Variants in ABCA10 observed in about 807,000 individuals in gnomAD.
ABCA10 encodes the protein ATP-binding cassette sub-family A member 10.
ABCA10 carries 169 observed loss-of-function variants against 187.5 expected under a neutral mutation model. The ratio of observed to expected loss-of-function variants is 0.90; its 90% CI spans 0.80 to 1.02. ABCA10 has a LOEUF of 1.02. Ranked by LOEUF, ABCA10 falls within the 50% of genes least tolerant of loss-of-function variation. The probability of loss-of-function intolerance (pLI) is 0.00; values close to 1 mark genes in which losing one functional copy is unlikely to be tolerated. For synonymous variants in ABCA10, 574 were observed against 601.8 expected (o/e 0.95, Z 0.68); for missense variants, 1,727 against 1,812.4 (o/e 0.95, Z 0.86).
In ABCA10 at chr17:69,174,671, A is replaced by G. The variant is rs771764749; in HGVS notation, c.2984T>C (p.Ile995Thr). 12 of 1,612,128 alleles carry G rather than the reference A, an allele frequency of 7.4e-6. No individual in the cohort carries two copies. Among genetic ancestry groups the G allele is most frequent in the Admixed American group, 5.0e-5 (3 of 59,836 alleles). Residue 995 changes from isoleucine to threonine, a missense_variant, in exon 24 of 39, where the codon ATA (isoleucine) becomes ACA (threonine). Physicochemically the swap from Ile to Thr is moderately conservative, Grantham distance 89. Coordinates refer to ENST00000690296, the MANE Select transcript of ABCA10 (RefSeq NM_001377321.1). Reference protein sequence around the residue: ...IPLYFLILFSIHLIYYFIFLG... With the variant: ...IPLYFLILFSTHLIYYFIFLG... The stretch of plus-strand genomic sequence containing the variant: ...AAATATGAAGTAGTAAATTAAATGT[A>G]TTGAAAAGAGAATCAAGAAGTATAA...
At chr17:69,224,448 CT>C (rs1244720175) in intron 3 of ABCA10, among the ~76,000 whole-genome samples, 2 of 152,102 alleles carry the variant, frequency 1.3e-5, no homozygotes, top group African/African-American at 4.8e-5. Flanking sequence ...TATCCTGATA[CT>C]TTCCCTATGC....
At position 69,191,471 on chromosome 17, in the gene ABCA10, T is replaced by C. The variant is rs564996382; in HGVS notation, c.1872-156A>G. Among the ~76,000 whole-genome samples the C allele has an allele frequency of 3.9e-5, 6 of 152,334 alleles. No homozygotes were observed. The East Asian group carries it at 5.8e-4, about 15-fold the overall frequency. ...TGCAAATCAGATACTCCACTTCAAA[T>C]TGCTAATTCAACTTCAAAGTGCTAA... On this transcript the variant is annotated intron_variant, in intron 16 of 38. Transcript: ENST00000690296.
Position 69,190,393 on chromosome 17 carries a change from A to G in ABCA10, c.2096T>C (p.Leu699Ser). 1.1e-5 allele frequency: 17 copies of G among 1,575,650 alleles called. No individual in the cohort carries two copies. The highest frequency in any genetic ancestry group is 1.4e-5 in the Non-Finnish European group (16 of 1,168,392). ...VSVTSLNEVF[L>S]NLEGKSAIDE... ...AATTGCTGATTTTCCTTCTAGGTTC[A>G]AGAATACTTCATTCAGAGATGTCAC... Residue 699 changes from leucine to serine, a missense_variant, in exon 18 of 39, where the codon TTG (leucine) becomes TCG (serine). Leu to Ser is a moderately radical substitution (Grantham distance 145). Transcript: ENST00000690296.
chr17:69,243,724 C>T (rs929591992), intron 1 of ABCA10, among the ~76,000 whole-genome samples: 1 of 152,044 alleles, frequency 6.6e-6, no homozygotes, highest in Non-Finnish European at 1.5e-5. Context: ...ATGGCAAAAC[C>T]CCATCTCTAC....
chr17:69,163,962 T>C (rs1189254706), intron 27 of ABCA10, 112 bp downstream of exon 27: 19 of 731,038 alleles, frequency 2.6e-5, no homozygotes, highest in Non-Finnish European at 3.5e-5. Context: ...GAATGGAAAA[T>C]ACAGAAAGAG....
Position 69,185,627 on chromosome 17 carries a change from T to C in ABCA10, c.2347A>G (p.Ile783Val). 6.2e-7 allele frequency: 1 copy of C among 1,605,692 alleles called. No homozygotes were observed. The highest frequency in any genetic ancestry group is 1.1e-5 in the South Asian group (1 of 90,074). The change falls in exon 20 of 39, where the codon ATT becomes GTT. Residue 783 changes from isoleucine (I) to valine (V), a missense_variant. Physicochemically the swap from Ile to Val is conservative, Grantham distance 29. Transcript: ENST00000690296. ...TCTAGAATGATGGGGATAAAAGCAA[T>C]TCCAAGTACTAGTAACCTAAGTAAA... ...ALLCLLLVLGIAFIPIILEKI... is the reference protein window; with the variant it reads ...ALLCLLLVLGVAFIPIILEKI...
rs1190942287 is a variant in ABCA10 at position 69,225,322 on chromosome 17, C to T, written c.34+3G>A. On this transcript the variant is annotated splice_donor_region_variant and intron_variant, in intron 3 of 38. Coordinates refer to ENST00000690296, the MANE Select transcript of ABCA10 (RefSeq NM_001377321.1). ...CTGAAACATTGGTTATTGGACAACA[C>T]ACCTTTCATAAAGGAAGCCAAGGCC... 6 of 1,613,188 alleles carry T rather than the reference C, an allele frequency of 3.7e-6. No individual in the cohort carries two copies. The African/African-American group carries it at 8.0e-5, about 22-fold the overall frequency.
chr17:69,244,333 C>A (rs914297728), intron 1 of ABCA10: 5 of 152,002 alleles, frequency 3.3e-5, no homozygotes, highest in Non-Finnish European at 7.4e-5. Flanking sequence ...GTTTTTGCAT[C>A]ATTTTTAATA....
intron 1 of ABCA10, among the ~76,000 whole-genome samples, chr17:69,243,130 A>T (rs915303974): frequency 6.6e-6 from 1 of 152,224 alleles, no homozygotes; most frequent in African/African-American, 2.4e-5. Flanking sequence ...ATAAATTTTG[A>T]TAGTGTGAGA....
intron 1 of ABCA10, among the ~76,000 whole-genome samples, chr17:69,243,341 T>C (rs1031003956): frequency 7.2e-5 from 11 of 152,234 alleles, no homozygotes; most frequent in African/African-American, 2.4e-4. Context: ...ATTACACATC[T>C]AGGCTATATG....
Position 69,152,066 on chromosome 17 carries a change from G to GA in ABCA10, c.4373dup (p.Gln1460ThrfsTer15). 1.2e-6 allele frequency: 2 copies of GA among 1,611,196 alleles called. No homozygotes were observed. Among genetic ancestry groups the GA allele is most frequent in the Non-Finnish European group, 1.7e-6 (2 of 1,179,410 alleles). On this transcript the variant is annotated frameshift_variant, in exon 36 of 39. Transcript: ENST00000690296. LOFTEE classifies it high-confidence loss of function. ...ACCTTTCCTGCCAAGCAGCCTGTGG[G>GA]AAAAGCTTCAAAATCTCTGTGTGGA...
chr17:69,153,712 AT>A, intron 32 of ABCA10, 118 bp downstream of exon 32: 1 of 1,454,352 alleles, frequency 6.9e-7, no homozygotes, highest in South Asian at 1.4e-5. Flanking sequence ...AGGTATTTGA[AT>A]CATTTTATTT....
intron 9 of ABCA10, among the ~76,000 whole-genome samples, chr17:69,208,522 T>G (rs1285728321): frequency 6.6e-6 from 1 of 151,764 alleles, no homozygotes; most frequent in Non-Finnish European, 1.5e-5. Context: ...CAGAAAAAAT[T>G]TAACTTTGGC....
In ABCA10 at chr17:69,219,594, T is replaced by C; in HGVS notation, c.481A>G (p.Lys161Glu). The change falls in exon 6 of 39, where the codon AAA (lysine) becomes GAA (glutamate). Residue 161 changes from lysine to glutamate, a missense_variant. Physicochemically the swap from Lys to Glu is moderately conservative, Grantham distance 56. Coordinates refer to ENST00000690296, the MANE Select transcript of ABCA10 (RefSeq NM_001377321.1). ...ATCACTGTCATCAGTTTCTTAAATT[T>C]TCCTCTTTCCCTTGCAACATTTAAT... The part of the protein sequence containing the change: ...ASLNVARERG[K>E]FKKLMTVMGL... 1 of 1,608,614 alleles carries C rather than the reference T, an allele frequency of 6.2e-7. No homozygotes were observed. The highest frequency in any genetic ancestry group is 8.5e-7 in the Non-Finnish European group (1 of 1,177,988).
intron 9 of ABCA10, among the ~76,000 whole-genome samples, chr17:69,211,519 T>C (rs971996344): frequency 3.3e-5 from 5 of 151,758 alleles, no homozygotes; most frequent in African/African-American, 1.2e-4. Context: ...GGATTCCCTC[T>C]TTCTCTATCT....
At chr17:69,209,872 CTATCT>C (rs1410715722) in intron 9 of ABCA10, among the ~76,000 whole-genome samples, 2 of 152,146 alleles carry the variant, frequency 1.3e-5, no homozygotes, top group African/African-American at 4.8e-5. Flanking sequence ...AATGGTATCT[CTATCT>C]TATCATATCT....
chr17:69,162,421 G>A (rs2074224180), intron 27 of ABCA10, among the ~76,000 whole-genome samples: 2 of 152,146 alleles, frequency 1.3e-5, no homozygotes, highest in Admixed American at 6.6e-5. Flanking sequence ...GACAAAGAAT[G>A]ATAACATCTG....
At chr17:69,162,822 T>TATACAC (rs1219878476) in intron 27 of ABCA10, among the ~76,000 whole-genome samples, 175 of 61,724 alleles carry the variant, frequency 2.8e-3, no homozygotes, top group African/African-American at 0.017. Flanking sequence ...TACATATACA[T>TATACAC]ATACATATAC....
At chr17:69,231,193 C>T (rs767290676), upstream of ABCA10, among the ~76,000 whole-genome samples, 2 of 152,132 alleles carry the variant, frequency 1.3e-5, no homozygotes, top group Non-Finnish European at 2.9e-5. Context: ...CTTGTCATTC[C>T]TTGACTTGCA....
Sources: allele counts gnomAD v4.1 joint callset (sites outside exome capture counted in the v4.1 genomes callset), GRCh38; gene constraint gnomAD v4.1.1; transcripts MANE v1.5; gene names NCBI Gene and HGNC (gene_info 2026-07-23, HGNC 2026-07-21).